The following MYO18B variants were observed in gnomAD, a reference collection of about 807,000 sequenced individuals.
The protein encoded by MYO18B is unconventional myosin-XVIIIb.
In MYO18B, 204 loss-of-function variants were observed where a neutral mutation model predicts 273.0. That is an observed-to-expected ratio of 0.75 (90% confidence interval 0.67 to 0.84). The LOEUF (loss-of-function observed/expected upper bound fraction) is 0.84, where lower values mean the gene tolerates loss of function less well. MYO18B is among the 40% of genes least tolerant of loss of function. MYO18B has a pLI of 0.00. For missense variants in MYO18B, 3,212 were observed against 3,287.6 expected (o/e 0.98, Z 0.56); for synonymous variants, 1,330 against 1,305.7 (o/e 1.02, Z -0.40).
At chr22:26,055,048 C>G in the MYO18B span, among the ~76,000 whole-genome samples, 1 of 152,118 alleles carries the variant, frequency 6.6e-6, no homozygotes. Flanking sequence ...ATGTTCACAC[C>G]CCTCAGGCTT....
Position 26,027,433 on chromosome 22 carries a change from G to A in MYO18B, c.7459G>A (p.Gly2487Arg), listed in dbSNP as rs1331733767. ...TEEANRSFLS[G>R]IKTILKKSPE... ...AGAGGCTAACCGTTCCTTTCTCTCG[G>A]GGATCAAGACCATTTTGAAGAAGAG... Residue 2487 changes from glycine (G) to arginine (R), a missense_variant, in exon 43 of 44, where the codon GGG becomes AGG. By Grantham distance (125) the Gly-to-Arg change is moderately radical (BLOSUM62 -2). Transcript: ENST00000335473. The surrounding 1 kb of genome is among the most constrained non-coding windows in gnomAD (Gnocchi z 4.1). The A allele has an allele frequency of 3.1e-6, 5 of 1,613,816 alleles. No individual in the cohort carries two copies. In the Admixed American group the frequency reaches 8.3e-5, roughly 27 times the overall value.
chr22:25,865,193 C>T (rs1417935557), intron 21 of MYO18B, among the ~76,000 whole-genome samples: 1 of 152,178 alleles, frequency 6.6e-6, no homozygotes, highest in Non-Finnish European at 1.5e-5. Context: ...AATATTCTCA[C>T]CACTTTGCAG....
At position 25,876,389 on chromosome 22, in the gene MYO18B, C is replaced by G; in HGVS notation, c.4224+57C>G. 2.0e-6 allele frequency: 3 copies of G among 1,530,990 alleles called. No homozygotes were observed. In the South Asian group the frequency reaches 3.8e-5, roughly 19 times the overall value. 94.8% of individuals were successfully genotyped at this position (1,530,990 alleles called of 1,614,324 possible). ...GGCTACTCCCCACACCCTGCTCCTC[C>G]TGTTTGCATCTAGCACCCTGTGCCC... On this transcript the variant is annotated intron_variant, in intron 24 of 43. Coordinates refer to ENST00000335473, the MANE Select transcript of MYO18B (RefSeq NM_032608.7).
intron 38 of MYO18B, among the ~76,000 whole-genome samples, chr22:25,952,766 C>A (rs1394980284): frequency 1.3e-5 from 2 of 152,126 alleles, no homozygotes; most frequent in Non-Finnish European, 2.9e-5. Context: ...TCTGTCTGCC[C>A]ATTCTTCTAT....
At chr22:25,852,178 C>T (rs1291953626) in intron 21 of MYO18B, among the ~76,000 whole-genome samples, 1 of 152,162 alleles carries the variant, frequency 6.6e-6, no homozygotes, top group Non-Finnish European at 1.5e-5. Context: ...AACATCACTC[C>T]TTAGGGCCTT....
intron 34 of MYO18B, among the ~76,000 whole-genome samples, chr22:25,921,701 G>GT (rs749244461): frequency 5.4e-4 from 64 of 117,484 alleles, no homozygotes; most frequent in Admixed American, 1.8e-3. Flanking sequence ...CAGTGTGCCT[G>GT]TTGTGTGTGT....
In MYO18B at chr22:25,774,530, C is replaced by T. The variant is rs184246955; in HGVS notation, c.1869+2020C>T. Among the ~76,000 whole-genome samples, 245 of 152,370 alleles carry T rather than the reference C, an allele frequency of 1.6e-3. 5 individuals are homozygous for T. Among genetic ancestry groups the T allele is most frequent in the Non-Finnish European group, 1.8e-3 (120 of 68,032 alleles). On this transcript the variant is annotated intron_variant, in intron 7 of 43. Coordinates refer to ENST00000335473, the MANE Select transcript of MYO18B (RefSeq NM_032608.7). Reference sequence around the variant, plus strand: ...GCGCCAAAAGATGCAGGCATTGGTACGCACTCTGAAGGTAGATCCCCCTAC... The same window carrying T: ...GCGCCAAAAGATGCAGGCATTGGTATGCACTCTGAAGGTAGATCCCCCTAC...
intron 33 of MYO18B, among the ~76,000 whole-genome samples, chr22:25,916,712 C>G (rs1026458375): frequency 2.0e-5 from 3 of 152,084 alleles, no homozygotes; most frequent in African/African-American, 7.2e-5. Flanking sequence ...CTCTTTGTTG[C>G]TCTAGTTATT....
rs2090953996 is a variant in MYO18B at position 25,868,438 on chromosome 22, GA to G, written c.3951+54del. ...TCGCCCATCACATCAGGGACCCAGA[GA>G]TGACCTGATTCTTGTCCTACCTCAA... On this transcript the variant is annotated intron_variant, in intron 22 of 43. Transcript: ENST00000335473. 2.1e-6 allele frequency: 3 copies of G among 1,443,772 alleles called. No individual in the cohort carries two copies. The African/African-American group carries it at 4.2e-5, about 20-fold the overall frequency. The allele number at this position is 1,443,772 out of a possible 1,614,324, so 89.4% of individuals were successfully genotyped here. A position where few individuals can be genotyped will look rare whatever the true frequency, so the allele number is the denominator to read the frequency against.
chr22:25,810,095 A>C (rs1454263214), intron 12 of MYO18B, among the ~76,000 whole-genome samples: 3 of 144,668 alleles, frequency 2.1e-5, no homozygotes, highest in African/African-American at 2.6e-5. Flanking sequence ...CCCTTCCTTC[A>C]GGCTTTTTTT....
intron 17 of MYO18B, among the ~76,000 whole-genome samples, chr22:25,837,139 C>A (rs1470399284): frequency 6.6e-6 from 1 of 152,080 alleles, no homozygotes; most frequent in Non-Finnish European, 1.5e-5. Flanking sequence ...CAGCCACTGT[C>A]CTAGCCCAGG....
intron 1 of MYO18B, among the ~76,000 whole-genome samples, chr22:25,751,296 T>C (rs1385785087): frequency 2.0e-5 from 3 of 152,230 alleles, no homozygotes; most frequent in African/African-American, 7.2e-5. Flanking sequence ...CTGTGTGACC[T>C]TGATCCAATT....
chr22:25,799,077 T>A (rs2088061266), intron 12 of MYO18B, among the ~76,000 whole-genome samples: 1 of 152,006 alleles, frequency 6.6e-6, no homozygotes, highest in East Asian at 1.9e-4. Flanking sequence ...TGTGACATCA[T>A]TTCTGTCCTA....
the MYO18B span, among the ~76,000 whole-genome samples, chr22:26,052,948 G>A: frequency 2.6e-5 from 4 of 151,658 alleles, no homozygotes; most frequent in South Asian, 2.1e-4. Flanking sequence ...GACTACAGGC[G>A]CCTGCCACCA....
rs10567781 is a variant in MYO18B at position 25,904,943 on chromosome 22, T to TA, written c.5148+1128dup. ...GGAAATGTGAGTTACATGCCTGAGA[T>TA]AAAAAAAAAAAAAAAATTTCTAGGG... On this transcript the variant is annotated intron_variant, in intron 31 of 43. Coordinates refer to ENST00000335473, the MANE Select transcript of MYO18B (RefSeq NM_032608.7). Among the ~76,000 whole-genome samples the TA allele has an allele frequency of 4.9e-4, 72 of 146,968 alleles. 1 individual carries two copies. Among genetic ancestry groups the TA allele is most frequent in the Admixed American group, 5.5e-4 (8 of 14,634 alleles).
At chr22:25,947,666 C>A (rs768097607) in intron 35 of MYO18B, 46 bp from the exon 36 acceptor site, 10 of 1,477,070 alleles carry the variant, frequency 6.8e-6, no homozygotes, top group Middle Eastern at 4.2e-4. Flanking sequence ...TGCTGCCCAT[C>A]CCTCACCCTC....
intron 17 of MYO18B, 84 bp downstream of exon 17, chr22:25,835,527 G>A (rs2089867112): frequency 1.9e-6 from 3 of 1,560,254 alleles, no homozygotes; most frequent in East Asian, 2.2e-5. Context: ...GGAAAGCCCT[G>A]ACAAGGCCTG....
intron 33 of MYO18B, among the ~76,000 whole-genome samples, chr22:25,912,575 T>C (rs1359882111): frequency 6.6e-6 from 1 of 152,244 alleles, no homozygotes; most frequent in Non-Finnish European, 1.5e-5. Flanking sequence ...TTTTAAATGT[T>C]TTTGTTATGA....
intron 5 of MYO18B, 103 bp downstream of exon 5, chr22:25,770,279 G>A (rs567010714): frequency 9.1e-7 from 1 of 1,094,960 alleles, no homozygotes; most frequent in Admixed American, 1.9e-5. Context: ...TTGGTGGTCA[G>A]GAGGGAAGAG....
Sources: allele counts gnomAD v4.1 joint callset (sites outside exome capture counted in the v4.1 genomes callset), GRCh38; gene constraint gnomAD v4.1.1; non-coding constraint Gnocchi (gnomAD v3.1); transcripts MANE v1.5; gene names NCBI Gene and HGNC (gene_info 2026-07-23, HGNC 2026-07-21).